The following PPP4R3A variants were observed in gnomAD, a reference collection of about 807,000 sequenced individuals.
PPP4R3A encodes serine/threonine-protein phosphatase 4 regulatory subunit 3A.
A neutral mutation model predicts 91.7 loss-of-function variants in PPP4R3A; 15 were observed. That is an observed-to-expected ratio of 0.16 (90% confidence interval 0.11 to 0.25). The LOEUF is 0.25. Ranked by LOEUF, PPP4R3A falls within the 10% of genes least tolerant of loss-of-function variation. PPP4R3A has a pLI of 1.00. For synonymous variants in PPP4R3A, 377 were observed against 348.7 expected (o/e 1.08, Z -0.91); for missense variants, 623 against 998.4 (o/e 0.62, Z 5.07).
intron 10 of PPP4R3A, chr14:91,466,152 A>C: frequency 2.4e-6 from 2 of 842,000 alleles, no homozygotes; most frequent in Non-Finnish European, 2.9e-6. Flanking sequence ...TCATCAAGAC[A>C]CAAATATACT....
intron 1 of PPP4R3A, among the ~76,000 whole-genome samples, chr14:91,508,374 T>C (rs1442864340): frequency 1.3e-5 from 2 of 152,220 alleles, no homozygotes; most frequent in Non-Finnish European, 2.9e-5. Flanking sequence ...ATTGGAGTTC[T>C]GGGGAGAGTC....
rs144905653 is a variant in PPP4R3A at position 91,476,447 on chromosome 14, C to T, written c.1071G>A (p.Leu357=). 599 of 1,611,538 alleles carry T rather than the reference C, an allele frequency of 3.7e-4. 7 individuals are homozygous for T. The Middle Eastern group carries it at 0.017, about 44-fold the overall frequency. Residue 357 remains leucine (L), a synonymous_variant, in exon 6 of 15, where the codon TTG becomes TTA. Transcript: ENST00000554943. The part of the protein sequence containing the change: ...PQNRDAFFKT[L]SNMGILPALE... The stretch of plus-strand genomic sequence containing the variant: ...AAGCTGGTAATATGCCCATGTTTGA[C>T]AAAGTCTTGAAAAAAGCATCTCTGT...
In PPP4R3A at chr14:91,487,003, T is replaced by C. The variant is rs571521652; in HGVS notation, c.199-1273A>G. 7.9e-5 allele frequency among the ~76,000 whole-genome samples: 12 copies of C among 151,844 alleles called. No homozygotes were observed. The South Asian group carries it at 2.5e-3, about 32-fold the overall frequency. ...GGCTCATGCCTCTAATCACAGCACTTTGGGAGGCCAAGGCAGGCGGATCAC... is the reference window on the plus strand; with the variant it reads ...GGCTCATGCCTCTAATCACAGCACTCTGGGAGGCCAAGGCAGGCGGATCAC... On this transcript the variant is annotated intron_variant, in intron 2 of 14. Coordinates refer to ENST00000554943, the MANE Select transcript of PPP4R3A (RefSeq NM_001366432.2).
intron 1 of PPP4R3A, among the ~76,000 whole-genome samples, chr14:91,499,643 A>G (rs1486061084): frequency 6.6e-6 from 1 of 151,980 alleles, no homozygotes; most frequent in African/African-American, 2.4e-5. Flanking sequence ...CAACATGGTG[A>G]AATCTCATCT....
intron 4 of PPP4R3A, among the ~76,000 whole-genome samples, chr14:91,480,045 C>G (rs770405648): frequency 9.2e-5 from 14 of 152,142 alleles, no homozygotes; most frequent in African/African-American, 1.4e-4. Context: ...GTCTAGCTCT[C>G]AGAGACTTTG....
rs1474588934 is a variant in PPP4R3A, at chr14:91,464,374, T to G, written c.1830+876A>C. Among the ~76,000 whole-genome samples, 4 of 137,590 alleles carry G rather than the reference T, an allele frequency of 2.9e-5. No individual in the cohort carries two copies. In the East Asian group the frequency reaches 9.0e-4, roughly 31 times the overall value. 90.3% of individuals were successfully genotyped at this position (137,590 alleles called of 152,430 possible). On this transcript the variant is annotated intron_variant, in intron 11 of 14. Coordinates refer to ENST00000554943, the MANE Select transcript of PPP4R3A (RefSeq NM_001366432.2). ...GCATGTTACAGAAAAGTTCTGGAGATGAATAATGGTGATGGCTGCCAACAA... is the reference window on the plus strand; with the variant it reads ...GCATGTTACAGAAAAGTTCTGGAGAGGAATAATGGTGATGGCTGCCAACAA...
At chr14:91,472,933 T>A in intron 9 of PPP4R3A, 100 bp downstream of exon 9, 1 of 1,007,454 alleles carries the variant, frequency 9.9e-7, no homozygotes, top group Non-Finnish European at 1.5e-6. Context: ...TCCCAGCCTC[T>A]ACCTCCCACT....
intron 6 of PPP4R3A, 82 bp downstream of exon 6, chr14:91,476,326 T>A: frequency 9.7e-7 from 1 of 1,031,908 alleles, no homozygotes; most frequent in Non-Finnish European, 1.5e-6. Context: ...TTGGCTATAA[T>A]AGAATATTTG....
intron 11 of PPP4R3A, among the ~76,000 whole-genome samples, chr14:91,463,598 TAA>T (rs1346120226): frequency 1.3e-5 from 2 of 151,902 alleles, no homozygotes; most frequent in African/African-American, 4.8e-5. Flanking sequence ...CATACGGGGC[TAA>T]GTTTTAACAA....
At chr14:91,462,617 AT>A (rs1487070423) in intron 12 of PPP4R3A, 117 bp downstream of exon 12, 1 of 1,136,502 alleles carries the variant, frequency 8.8e-7, no homozygotes. Context: ...TACAATTTCT[AT>A]TTGCTATCTG....
At chr14:91,474,934 T>C (rs149482448) in intron 7 of PPP4R3A, 7 of 152,210 alleles carry the variant, frequency 4.6e-5, no homozygotes, top group African/African-American at 1.7e-4. Context: ...AACTTAAACA[T>C]AGCAGTTACA....
intron 1 of PPP4R3A, among the ~76,000 whole-genome samples, chr14:91,504,016 T>TC (rs35222072): frequency 6.6e-6 from 1 of 151,888 alleles, no homozygotes; most frequent in Non-Finnish European, 1.5e-5. Flanking sequence ...TCACTTCACA[T>TC]CTGGAGATCG....
At chr14:91,476,854 C>T (rs1447284789) in intron 5 of PPP4R3A, 55 bp downstream of exon 5, 1 of 1,468,502 alleles carries the variant, frequency 6.8e-7, no homozygotes, top group Non-Finnish European at 9.3e-7. Context: ...GCGTGAGCCA[C>T]CAAGCCCGGC....
At position 91,458,551 on chromosome 14, in the gene PPP4R3A, C is replaced by CA; in HGVS notation, c.*207dup. On this transcript the variant is annotated 3_prime_UTR_variant, in exon 15 of 15. Coordinates refer to ENST00000554943, the MANE Select transcript of PPP4R3A (RefSeq NM_001366432.2). ...AATGTGTGGTCCAAGCTGGAGAGCT[C>CA]AAAGGCTTAAGTCTTTCCCCTAAAT... is the stretch of plus-strand genomic sequence containing the variant. 1.4e-6 allele frequency: 1 copy of CA among 722,768 alleles called. No individual in the cohort carries two copies. The highest frequency in any genetic ancestry group is 1.5e-5 in the South Asian group (1 of 65,672). 44.8% of individuals were successfully genotyped at this position (722,768 alleles called of 1,614,324 possible).
intron 10 of PPP4R3A, among the ~76,000 whole-genome samples, chr14:91,467,250 A>G (rs1232578666): frequency 3.9e-5 from 6 of 152,192 alleles, no homozygotes; most frequent in Non-Finnish European, 7.3e-5. Flanking sequence ...TGTTGAGTAA[A>G]AAGCTGCTTT....
intron 10 of PPP4R3A, among the ~76,000 whole-genome samples, chr14:91,469,597 G>C (rs1888711423): frequency 6.6e-6 from 1 of 152,198 alleles, no homozygotes; most frequent in East Asian, 1.9e-4. Flanking sequence ...GGGAGACAGT[G>C]TCTCTCTGTT....
chr14:91,466,113 G>T, intron 10 of PPP4R3A: 1 of 361,836 alleles, frequency 2.8e-6, no homozygotes. Context: ...TTTACATCTT[G>T]AGGTATGGGG....
chr14:91,491,799 T>C (rs531441972), intron 1 of PPP4R3A, among the ~76,000 whole-genome samples: 137 of 152,286 alleles, frequency 9.0e-4, no homozygotes, highest in Non-Finnish European at 1.6e-3. Context: ...TCTGTTGCAG[T>C]TGTGCGATCT....
intron 7 of PPP4R3A, 191 bp downstream of exon 7, chr14:91,475,620 A>G: frequency 2.2e-6 from 1 of 463,428 alleles, no homozygotes; most frequent in African/African-American, 2.0e-5. Flanking sequence ...GGCAATTTAA[A>G]TGAACATAAA....
Sources: gnomAD v4.1 joint callset for allele counts (sites outside exome capture counted in the v4.1 genomes callset) on GRCh38, gnomAD v4.1.1 for gene constraint, MANE v1.5 for transcripts, NCBI Gene and HGNC (gene_info 2026-07-23, HGNC 2026-07-21) for gene names.